Variants in UROC1 observed in about 807,000 individuals in gnomAD.
The protein encoded by UROC1 is urocanate hydratase.
In UROC1, 79 loss-of-function variants were observed where a neutral mutation model predicts 89.5. That is an observed-to-expected ratio of 0.88 (90% CI 0.74 to 1.06). UROC1 has a LOEUF of 1.06. Among genes scored for constraint, UROC1 ranks in the 50% least tolerant of loss-of-function variants. The pLI, the probability that UROC1 is intolerant of heterozygous loss-of-function variation, is 0.00. For synonymous variants in UROC1, 361 were observed against 354.8 expected (o/e 1.02, Z -0.20); for missense variants, 885 against 907.8 (o/e 0.97, Z 0.32).
chr3:126,483,301 A>C, intron 19 of UROC1, 68 bp downstream of exon 19: 1 of 1,444,976 alleles, frequency 6.9e-7, no homozygotes, highest in South Asian at 1.1e-5. Context: ...TATGACAGCA[A>C]ACGTGGATGG....
At chr3:126,511,653 G>A (rs1936198789) in intron 1 of UROC1, among the ~76,000 whole-genome samples, 1 of 152,226 alleles carries the variant, frequency 6.6e-6, no homozygotes, top group Admixed American at 6.5e-5. Flanking sequence ...TTAAAATCAT[G>A]TCAGTTGATG....
rs978601381 is a variant in UROC1, at chr3:126,498,299, T to C, written c.1317-127A>G. On this transcript the variant is annotated intron_variant, in intron 13 of 19. Coordinates refer to ENST00000290868, the MANE Select transcript of UROC1 (RefSeq NM_144639.3). ...AGGTGTGGAACCCCCTAAGCTGTCA[T>C]TGGACAGAAAGTTCCAGGGGCCTCC... is the stretch of plus-strand genomic sequence containing the variant. 55 of 1,539,016 alleles carry C rather than the reference T, an allele frequency of 3.6e-5. No individual in the cohort carries two copies. The East Asian group carries it at 1.2e-3, about 32-fold the overall frequency.
intron 11 of UROC1, 67 bp downstream of exon 11, chr3:126,500,628 G>A: frequency 1.3e-6 from 2 of 1,599,022 alleles, no homozygotes; most frequent in East Asian, 2.2e-5. Context: ...ACTAGGTGGT[G>A]GCCAGAGCAG....
chr3:126,505,887 C>G (rs199959295), intron 7 of UROC1, 43 bp from the exon 8 acceptor site: 1 of 1,611,052 alleles, frequency 6.2e-7, no homozygotes, highest in Non-Finnish European at 8.5e-7. Flanking sequence ...ACTCCCAGCC[C>G]GCCCCCTCCA....
intron 1 of UROC1, among the ~76,000 whole-genome samples, chr3:126,514,614 C>A (rs959807121): frequency 6.6e-6 from 1 of 151,924 alleles, no homozygotes; most frequent in Non-Finnish European, 1.5e-5. Flanking sequence ...AAATGCACCA[C>A]GAAGGAACAA....
intron 14 of UROC1, 108 bp from the exon 15 acceptor site, chr3:126,496,216 C>T: frequency 8.6e-7 from 1 of 1,158,684 alleles, no homozygotes; most frequent in Non-Finnish European, 1.3e-6. Flanking sequence ...CACCACTGAG[C>T]TAGGACACAA....
At chr3:126,508,167 C>T in intron 4 of UROC1, 72 bp from the exon 5 acceptor site, 3 of 1,611,362 alleles carry the variant, frequency 1.9e-6, no homozygotes, top group South Asian at 1.1e-5. Context: ...ACACCACCGT[C>T]CACGCCTGGA....
chr3:126,498,010 G>C (rs1176726093), intron 14 of UROC1, 41 bp downstream of exon 14: 1 of 1,613,430 alleles, frequency 6.2e-7, no homozygotes, highest in Non-Finnish European at 8.5e-7. Flanking sequence ...GAAGCTTTGG[G>C]GGGGCCACCC....
chr3:126,499,129 G>A (rs544881671), intron 13 of UROC1, among the ~76,000 whole-genome samples: 50 of 151,824 alleles, frequency 3.3e-4, no homozygotes, highest in South Asian at 8.4e-4. Flanking sequence ...GGCGTCTCTC[G>A]TCTGCATTTC....
intron 16 of UROC1, among the ~76,000 whole-genome samples, chr3:126,490,906 T>G (rs1935636769): frequency 6.6e-6 from 1 of 152,158 alleles, no homozygotes; most frequent in Non-Finnish European, 1.5e-5. Context: ...GAAGTCCTAT[T>G]CCTATCACCA....
intron 3 of UROC1, 75 bp from the exon 4 acceptor site, chr3:126,508,550 GC>G: frequency 7.6e-7 from 1 of 1,309,230 alleles, no homozygotes; most frequent in Non-Finnish European, 1.1e-6. Context: ...GAGAGAAAGG[GC>G]CCCCATCCCC....
intron 18 of UROC1, among the ~76,000 whole-genome samples, chr3:126,485,459 A>G (rs1336662169): frequency 6.6e-6 from 1 of 152,112 alleles, no homozygotes; most frequent in Admixed American, 6.5e-5. Context: ...CTGTGTGCAC[A>G]GACAGGGCCC....
In UROC1 at chr3:126,489,359, C is replaced by T. The variant is rs751667164; in HGVS notation, c.1625G>A (p.Ser542Asn). ...GCCGCTCACGTCATGGTGATCTCGG[C>T]TCAGGACCACCGGCGCCTGTGCATG... ...CRRIKAPVVL[S>N]RDHHDVSGTD... Residue 542 changes from serine to asparagine, a missense_variant, in exon 17 of 20, where the codon AGC becomes AAC. Ser to Asn is a conservative substitution (Grantham distance 46). Transcript: ENST00000290868. 4 of 1,612,558 alleles carry T rather than the reference C, an allele frequency of 2.5e-6. No individual in the cohort carries two copies. The East Asian group carries it at 8.9e-5, about 36-fold the overall frequency.
chr3:126,505,582 C>T, intron 8 of UROC1, 119 bp downstream of exon 8: 1 of 1,480,206 alleles, frequency 6.8e-7, no homozygotes, highest in South Asian at 1.2e-5. Flanking sequence ...CAAGGGTGGC[C>T]TGGGCAAGGA....
chr3:126,503,241 G>A (rs4679251), intron 9 of UROC1, among the ~76,000 whole-genome samples: 80,775 of 152,092 alleles, frequency 0.53, 21,767 homozygotes, highest in South Asian at 0.61. Context: ...TCACTGCATC[G>A]TTTCTCAAAT....
rs560271047 is a variant in UROC1, at chr3:126,517,622, G to T, written c.98C>A (p.Thr33Asn). 96 of 1,612,150 alleles carry T rather than the reference G, an allele frequency of 6.0e-5. 2 individuals are homozygous for T. The South Asian group carries it at 9.9e-4, about 17-fold the overall frequency. Residue 33 changes from threonine (T) to asparagine (N), a missense_variant, in exon 1 of 20, where the codon ACC becomes AAC. Transcript: ENST00000290868. ...QAGVPHAPVR[T>N]PSLSPVEKQL... ...TTTCTCCACAGGGCTGAGGCTGGGGGTCCTGACAGGGGCATGGGGCACCCC... is the reference window on the plus strand; with the variant it reads ...TTTCTCCACAGGGCTGAGGCTGGGGTTCCTGACAGGGGCATGGGGCACCCC...
intron 1 of UROC1, among the ~76,000 whole-genome samples, chr3:126,512,678 A>G (rs1212367896): frequency 1.3e-5 from 2 of 152,182 alleles, no homozygotes; most frequent in African/African-American, 4.8e-5. Context: ...ACCTATGATC[A>G]CGTTGCTGCA....
At chr3:126,486,337 T>C (rs143721132) in intron 18 of UROC1, among the ~76,000 whole-genome samples, 2 of 152,142 alleles carry the variant, frequency 1.3e-5, no homozygotes, top group African/African-American at 4.8e-5. Flanking sequence ...ATCAGAAAAG[T>C]CTTTTCTGAG....
At chr3:126,487,126 C>T (rs1268572565) in intron 18 of UROC1, among the ~76,000 whole-genome samples, 3 of 152,158 alleles carry the variant, frequency 2.0e-5, no homozygotes, top group Non-Finnish European at 2.9e-5. Context: ...TGTCCCTGCC[C>T]TAAGGCCCTG....
Sources: gnomAD v4.1 joint callset for allele counts (sites outside exome capture counted in the v4.1 genomes callset) on GRCh38, gnomAD v4.1.1 for gene constraint, MANE v1.5 for transcripts, NCBI Gene and HGNC (gene_info 2026-07-23, HGNC 2026-07-21) for gene names.